The following ANOS1 variants were observed in gnomAD, a reference collection of about 807,000 sequenced individuals.
ANOS1 encodes the protein anosmin 1.
ANOS1 carries 6 observed loss-of-function variants against 59.0 expected under a neutral mutation model. The observed-to-expected ratio is 0.10, with a 90% confidence interval of 0.06 to 0.20. The LOEUF is 0.20. Among genes scored for constraint, ANOS1 ranks in the 10% least tolerant of loss-of-function variants. ANOS1 has a pLI of 1.00. For synonymous variants in ANOS1, 217 were observed against 223.4 expected, an observed-to-expected ratio of 0.97 and a Z score of 0.25; for missense variants, 433 against 542.3, an observed-to-expected ratio of 0.80 and a Z score of 2.00.
chrX:8,537,602 T>C (rs924385614), intron 10 of ANOS1, among the ~76,000 whole-genome samples: 4 of 111,194 alleles, frequency 3.6e-5, no homozygotes, highest in African/African-American at 1.3e-4. Context: ...CAATTCTTAA[T>C]GTATATGTAT....
rs977259355 is a variant in ANOS1 at position 8,630,429 on chromosome X, CATAA to C, written c.256-6763_256-6760del. Among the ~76,000 whole-genome samples the C allele has an allele frequency of 5.1e-4, 56 of 109,885 alleles. 1 individual carries two copies. In the Admixed American group the frequency reaches 5.5e-3, roughly 11 times the overall value. ...TGGGTGACAGAGTAAGCCTCCATCT[CATAA>C]ATAAATAAATAAACAAACAAAACCA... On this transcript the variant is annotated intron_variant, in intron 2 of 13. Coordinates refer to ENST00000262648, the MANE Select transcript of ANOS1 (RefSeq NM_000216.4).
In ANOS1 at chrX:8,585,396, T is replaced by C. The variant is rs1045764447; in HGVS notation, c.727A>G (p.Thr243Ala). 5.0e-6 allele frequency: 6 copies of C among 1,209,549 alleles called. No homozygotes were observed. The highest frequency in any genetic ancestry group is 4.4e-5 in the Admixed American group (2 of 45,760). Reference sequence around the variant, plus strand: ...GTCAGTTGAACTCGCTCGTCTGTGGTCTGAGGGGACATGTCACAGAGCACA... The same window carrying C: ...GTCAGTTGAACTCGCTCGTCTGTGGCCTGAGGGGACATGTCACAGAGCACA... ...DATHWQTVAQ[T>A]TDERVQLTDI... Residue 243 changes from threonine (T) to alanine (A), a missense_variant and splice_region_variant, in exon 6 of 14, where the codon ACC (threonine) becomes GCC (alanine). Thr to Ala is a moderately conservative substitution (Grantham distance 58). Transcript: ENST00000262648.
At chrX:8,718,573 T>C (rs1932854950) in intron 1 of ANOS1, among the ~76,000 whole-genome samples, 1 of 112,349 alleles carries the variant, frequency 8.9e-6, no homozygotes, top group African/African-American at 3.2e-5. Context: ...CAGTAACTTC[T>C]GCATGAACTT....
chrX:8,555,683 G>A (rs938948781), intron 8 of ANOS1, among the ~76,000 whole-genome samples: 2 of 111,880 alleles, frequency 1.8e-5, no homozygotes, highest in East Asian at 5.7e-4. Flanking sequence ...AAACCAGGAA[G>A]AAGTTGAATC....
chrX:8,711,855 A>G lies in ANOS1; in HGVS notation c.208-12110T>C, dbSNP rs73477311. On this transcript the variant is annotated intron_variant, in intron 1 of 13. Transcript: ENST00000262648. ...TGTATGGTTGTTTCAAGTCTTTGCA[A>G]AGGCATAATATCCATGTAAAGAATA... is the stretch of plus-strand genomic sequence containing the variant. 9.9e-3 allele frequency among the ~76,000 whole-genome samples: 1,123 copies of G among 112,990 alleles called. 16 individuals carry two copies. The highest frequency in any genetic ancestry group is 0.034 in the African/African-American group (1,060 of 31,142).
chrX:8,730,498 AG>A (rs1466910421), intron 1 of ANOS1, among the ~76,000 whole-genome samples: 1 of 112,202 alleles, frequency 8.9e-6, no homozygotes, highest in African/African-American at 3.2e-5. Context: ...ATCATCCCCG[AG>A]GGTAAGGGGA....
chrX:8,632,904 C>A (rs761469135), intron 2 of ANOS1, among the ~76,000 whole-genome samples: 92 of 111,152 alleles, frequency 8.3e-4, no homozygotes, highest in African/African-American at 2.9e-3. Context: ...CTCTAAAAAG[C>A]TGTGGACCTG....
intron 2 of ANOS1, among the ~76,000 whole-genome samples, chrX:8,689,144 C>CA (rs1932566246): frequency 8.9e-6 from 1 of 111,934 alleles, no homozygotes; most frequent in African/African-American, 3.2e-5. Flanking sequence ...AGTGGTTTCT[C>CA]AAAAATCTCA....
chrX:8,559,435 G>A (rs1038310750), intron 8 of ANOS1, among the ~76,000 whole-genome samples: 1 of 111,396 alleles, frequency 9.0e-6, no homozygotes, highest in Admixed American at 9.6e-5. Context: ...CAAGCCCTAC[G>A]TATCCCATAT....
At chrX:8,704,767 C>T (rs1185081018) in intron 1 of ANOS1, among the ~76,000 whole-genome samples, 1 of 111,347 alleles carries the variant, frequency 9.0e-6, no homozygotes, top group Non-Finnish European at 1.9e-5. Flanking sequence ...ATGTTTGGCT[C>T]AGGATTTTTA....
chrX:8,674,526 C>T (rs1306265599), intron 2 of ANOS1, among the ~76,000 whole-genome samples: 1 of 111,976 alleles, frequency 8.9e-6, no homozygotes, highest in East Asian at 2.8e-4. Flanking sequence ...TTTCCCGGGC[C>T]ACACTGGAAG....
chrX:8,592,150 G>T (rs1041190674), intron 4 of ANOS1, among the ~76,000 whole-genome samples: 4 of 111,649 alleles, frequency 3.6e-5, no homozygotes, highest in Non-Finnish European at 5.6e-5. Context: ...TTTTTATCAT[G>T]AATCTAAATG....
At chrX:8,629,736 C>T (rs1468394947) in intron 2 of ANOS1, among the ~76,000 whole-genome samples, 1 of 112,061 alleles carries the variant, frequency 8.9e-6, no homozygotes, top group Non-Finnish European at 1.9e-5. Flanking sequence ...TACATTTAAC[C>T]AAACACTTTC....
rs1011249055 is a variant in ANOS1, at chrX:8,689,921, T to C, written c.255+9777A>G. 8.9e-5 allele frequency among the ~76,000 whole-genome samples: 10 copies of C among 111,868 alleles called. No individual in the cohort carries two copies. In the East Asian group the frequency reaches 2.0e-3, roughly 22 times the overall value. ...TACATCCAGTGGTTTATATTAATCA[T>C]GCTAATATAATATTGTACATAAGAT... On this transcript the variant is annotated intron_variant, in intron 2 of 13. Coordinates refer to ENST00000262648, the MANE Select transcript of ANOS1 (RefSeq NM_000216.4).
intron 1 of ANOS1, among the ~76,000 whole-genome samples, chrX:8,703,482 C>T (rs1932766663): frequency 1.8e-5 from 2 of 112,082 alleles, no homozygotes; most frequent in Non-Finnish European, 3.8e-5. Context: ...CACAAAATGA[C>T]ATAAGCTTCA....
intron 1 of ANOS1, among the ~76,000 whole-genome samples, chrX:8,700,034 G>A (rs1296297147): frequency 1.8e-5 from 2 of 112,097 alleles, no homozygotes; most frequent in Admixed American, 1.9e-4. Flanking sequence ...GTTGAGCAGT[G>A]AAGCAGGTAA....
intron 3 of ANOS1, among the ~76,000 whole-genome samples, chrX:8,622,280 T>C (rs1200090981): frequency 8.9e-6 from 1 of 111,963 alleles, no homozygotes; most frequent in South Asian, 3.8e-4. Context: ...CACGTAACTC[T>C]TGGGGACTTA....
intron 2 of ANOS1, among the ~76,000 whole-genome samples, chrX:8,663,755 C>T (rs761837181): frequency 8.9e-6 from 1 of 111,831 alleles, no homozygotes; most frequent in East Asian, 2.8e-4. Context: ...ACCAATCAAC[C>T]ACTAATCCCA....
At chrX:8,674,169 A>C (rs1932299535) in intron 2 of ANOS1, among the ~76,000 whole-genome samples, 1 of 112,035 alleles carries the variant, frequency 8.9e-6, no homozygotes, top group Non-Finnish European at 1.9e-5. Flanking sequence ...ACATAGAAAT[A>C]ATCTGGGACT....
Sources: allele counts gnomAD v4.1 joint callset (sites outside exome capture counted in the v4.1 genomes callset), GRCh38; gene constraint gnomAD v4.1.1; transcripts MANE v1.5; gene names NCBI Gene and HGNC (gene_info 2026-07-23, HGNC 2026-07-21).